Variants in KIAA0319L observed in about 807,000 individuals in gnomAD.
The protein encoded by KIAA0319L is dyslexia-associated protein KIAA0319-like protein.
In KIAA0319L, 55 loss-of-function variants were observed where a neutral mutation model predicts 120.1. The observed-to-expected ratio is 0.46, with a 90% CI of 0.37 to 0.57. The LOEUF (loss-of-function observed/expected upper bound fraction) is 0.57. Among genes scored for constraint, KIAA0319L ranks in the 20% least tolerant of loss-of-function variants. The pLI is 0.00. For missense variants in KIAA0319L, 1,049 were observed against 1,255.3 expected (o/e 0.84, Z 2.48); for synonymous variants, 398 against 471.9 (o/e 0.84, Z 2.03).
chr1:35,501,878 CA>C (rs570439518), intron 3 of KIAA0319L, among the ~76,000 whole-genome samples: 175 of 94,278 alleles, frequency 1.9e-3, no homozygotes, highest in Non-Finnish European at 1.6e-3. Context: ...AATTCCATCT[CA>C]AAAAAAAAAA....
In KIAA0319L at chr1:35,556,256, T is replaced by C. The variant is rs531557630; in HGVS notation, c.-29+951A>G. ...TGTTCAGACAGAGCAGGGGGTAATGTTTACTTAATACTTCAGGTTGATGGG... is the reference window on the plus strand; with the variant it reads ...TGTTCAGACAGAGCAGGGGGTAATGCTTACTTAATACTTCAGGTTGATGGG... On this transcript the variant is annotated intron_variant, in intron 1 of 20. Coordinates refer to ENST00000325722, the MANE Select transcript of KIAA0319L (RefSeq NM_024874.5). Among the ~76,000 whole-genome samples, 65 of 152,334 alleles carry C rather than the reference T, an allele frequency of 4.3e-4. No individual in the cohort carries two copies. In the South Asian group the frequency reaches 5.2e-3, roughly 12 times the overall value.
At chr1:35,517,216 A>C (rs561447755) in intron 2 of KIAA0319L, among the ~76,000 whole-genome samples, 1 of 152,318 alleles carries the variant, frequency 6.6e-6, no homozygotes, top group East Asian at 1.9e-4. Flanking sequence ...AACTATTTTA[A>C]AATTCATTAT....
chr1:35,456,903 A>AGAAGGAAG (rs1310936522), intron 9 of KIAA0319L, among the ~76,000 whole-genome samples: 33 of 117,550 alleles, frequency 2.8e-4, no homozygotes, highest in Middle Eastern at 4.2e-3. Context: ...AGGGAGGGAA[A>AGAAGGAAG]GAAGGAAGGA....
chr1:35,507,247 A>C lies in KIAA0319L; in HGVS notation c.143-112T>G. ...GTTATTTTGAAGACGAGTTTTTAAGAGGGTGAGAAAGCCATCTAGTGAGTG... is the reference window on the plus strand; with the variant it reads ...GTTATTTTGAAGACGAGTTTTTAAGCGGGTGAGAAAGCCATCTAGTGAGTG... On this transcript the variant is annotated intron_variant, in intron 2 of 20. Transcript: ENST00000325722. 8.6e-6 allele frequency: 9 copies of C among 1,041,364 alleles called. No individual in the cohort carries two copies. In the South Asian group the frequency reaches 1.7e-4, roughly 20 times the overall value. The allele number at this position is 1,041,364 out of a possible 1,614,324, so 64.5% of individuals were successfully genotyped here.
chr1:35,544,213 C>T (rs1646900118), intron 2 of KIAA0319L, among the ~76,000 whole-genome samples: 1 of 151,754 alleles, frequency 6.6e-6, no homozygotes, highest in African/African-American at 2.4e-5. Flanking sequence ...ACTAAAAATA[C>T]AAAAAATTAG....
At position 35,448,232 on chromosome 1, in the gene KIAA0319L, GAGGACCCCAAT is replaced by G; in HGVS notation, c.2443_2453del (p.Ile815ProfsTer40). On this transcript the variant is annotated frameshift_variant, in exon 16 of 21. Coordinates refer to ENST00000325722, the MANE Select transcript of KIAA0319L (RefSeq NM_024874.5). LOFTEE classifies it high-confidence loss of function. Reference sequence around the variant, plus strand: ...TGATGTCGGAATCCAGCACCCCCAGGAGGACCCCAATCTGGCGGATGAACATCCCCTTCAGC... The same window carrying G: ...TGATGTCGGAATCCAGCACCCCCAGGCTGGCGGATGAACATCCCCTTCAGC... 1 of 1,614,102 alleles carries G rather than the reference GAGGACCCCAAT, an allele frequency of 6.2e-7. No homozygotes were observed. Among genetic ancestry groups the G allele is most frequent in the Non-Finnish European group, 8.5e-7 (1 of 1,179,996 alleles).
intron 2 of KIAA0319L, among the ~76,000 whole-genome samples, chr1:35,530,835 GGCAACGAACACCATCCA>G (rs1314718763): frequency 1.3e-5 from 2 of 151,964 alleles, no homozygotes; most frequent in African/African-American, 2.4e-5. Flanking sequence ...CGATTTCTTC[GGCAACGAACACCATCCA>G]GCAACGAACA....
At chr1:35,549,775 T>C (rs1647130037) in intron 2 of KIAA0319L, among the ~76,000 whole-genome samples, 1 of 152,256 alleles carries the variant, frequency 6.6e-6, no homozygotes, top group South Asian at 2.1e-4. Flanking sequence ...TCCATATCTC[T>C]GCTCTGATTT....
intron 2 of KIAA0319L, among the ~76,000 whole-genome samples, chr1:35,540,512 C>G (rs1041698677): frequency 3.9e-5 from 6 of 152,208 alleles, no homozygotes; most frequent in Non-Finnish European, 8.8e-5. Context: ...GGGGCAAAGG[C>G]TGCAGCTATA....
chr1:35,451,855 G>T, intron 12 of KIAA0319L, 79 bp from the exon 13 acceptor site: 2 of 1,439,194 alleles, frequency 1.4e-6, no homozygotes, highest in South Asian at 2.5e-5. Flanking sequence ...AGGAGACAAT[G>T]ACTCCCTCAG....
At chr1:35,444,432 A>C in intron 16 of KIAA0319L, 129 bp from the exon 17 acceptor site, 1 of 855,370 alleles carries the variant, frequency 1.2e-6, no homozygotes, top group South Asian at 2.4e-5. Context: ...TGTTACTACA[A>C]GCCAGTGAGA....
intron 2 of KIAA0319L, among the ~76,000 whole-genome samples, chr1:35,535,058 C>T (rs185998760): frequency 7.4e-6 from 1 of 134,552 alleles, no homozygotes; most frequent in Admixed American, 7.9e-5. Context: ...GATCACACCA[C>T]TGCACTCTAG....
chr1:35,469,193 T>C (rs1643461772), intron 6 of KIAA0319L, among the ~76,000 whole-genome samples: 1 of 152,156 alleles, frequency 6.6e-6, no homozygotes, highest in South Asian at 2.1e-4. Context: ...CACACCCAAC[T>C]AATTTTTGTA....
rs770150318 is a variant in KIAA0319L at position 35,466,623 on chromosome 1, C to T, written c.1186G>A (p.Val396Met). 2.5e-6 allele frequency: 4 copies of T among 1,612,780 alleles called. No homozygotes were observed. Among genetic ancestry groups the T allele is most frequent in the African/African-American group, 1.3e-5 (1 of 74,876 alleles). Reference protein sequence around the residue: ...QNAHGEGYVNVTVKPEPRKNR... With the variant: ...QNAHGEGYVNMTVKPEPRKNR... ...GAAAACATACCTGGCTTGACTGTCA[C>T]GTTCACATAGCCTTCCCCATGGGCA... Residue 396 changes from valine (V) to methionine (M), a missense_variant, in exon 7 of 21, where the codon GTG (valine) becomes ATG (methionine). Val to Met is a conservative substitution (Grantham distance 21, BLOSUM62 1). Transcript: ENST00000325722.
Position 35,453,992 on chromosome 1 carries a change from G to T in KIAA0319L, c.1781-303C>A, listed in dbSNP as rs1384502705. Among the ~76,000 whole-genome samples the T allele has an allele frequency of 6.6e-6, 1 of 152,208 alleles. No individual in the cohort carries two copies. The highest frequency in any genetic ancestry group is 1.5e-5 in the Non-Finnish European group (1 of 68,032). On this transcript the variant is annotated intron_variant, in intron 11 of 20. Coordinates refer to ENST00000325722, the MANE Select transcript of KIAA0319L (RefSeq NM_024874.5). This position sits in a 1 kb window ranked among gnomAD's most constrained non-coding sequence, Gnocchi z 4.1. ...GAGTGACAAGACAGGGCTGTCCTGA[G>T]GAAGTCAGTTTTAAGCAGGCCCTTC...
At chr1:35,487,593 G>C (rs1028565641) in intron 3 of KIAA0319L, among the ~76,000 whole-genome samples, 3 of 152,140 alleles carry the variant, frequency 2.0e-5, no homozygotes, top group African/African-American at 7.2e-5. Flanking sequence ...CCAAGAATTT[G>C]GCCAGAGATT....
At chr1:35,525,121 T>C (rs1646072118) in intron 2 of KIAA0319L, among the ~76,000 whole-genome samples, 1 of 152,228 alleles carries the variant, frequency 6.6e-6, no homozygotes. Flanking sequence ...ACGTCTGGCT[T>C]ATTTCACTTA....
chr1:35,494,633 A>C (rs1171796560), intron 3 of KIAA0319L, among the ~76,000 whole-genome samples: 1 of 151,690 alleles, frequency 6.6e-6, no homozygotes, highest in Non-Finnish European at 1.5e-5. Context: ...CATCTCCGCT[A>C]AAATAACAAA....
rs1234226123 is a variant in KIAA0319L at position 35,451,693 on chromosome 1, G to C, written c.1997C>G (p.Thr666Ser). The C allele has an allele frequency of 6.2e-7, 1 of 1,614,082 alleles. No homozygotes were observed. Residue 666 changes from threonine (T) to serine (S), a missense_variant, in exon 13 of 21, where the codon ACC becomes AGC. Transcript: ENST00000325722. ...TGLQVGTYVFTLTVKDERNLQ... is the reference protein window; with the variant it reads ...TGLQVGTYVFSLTVKDERNLQ... Reference sequence around the variant, plus strand: ...GTTCCTCTCATCTTTGACAGTCAAGGTGAACACATAGGTCCCCACTTGCAG... The same window carrying C: ...GTTCCTCTCATCTTTGACAGTCAAGCTGAACACATAGGTCCCCACTTGCAG...
Sources: allele counts gnomAD v4.1 joint callset (sites outside exome capture counted in the v4.1 genomes callset), GRCh38; gene constraint gnomAD v4.1.1; non-coding constraint Gnocchi (gnomAD v3.1); transcripts MANE v1.5; gene names NCBI Gene and HGNC (gene_info 2026-07-23, HGNC 2026-07-21).